Variants in POLR3B observed in about 807,000 individuals in gnomAD.
POLR3B encodes DNA-directed RNA polymerase III subunit RPC2.
POLR3B carries 96 observed loss-of-function variants against 147.4 expected under a neutral mutation model. The ratio of observed to expected loss-of-function variants is 0.65; its 90% confidence interval spans 0.55 to 0.77. The LOEUF (loss-of-function observed/expected upper bound fraction) is 0.77, where lower values mean the gene tolerates loss of function less well. POLR3B is among the 30% of genes least tolerant of loss of function. The pLI, the probability that POLR3B is intolerant of heterozygous loss-of-function variation, is 0.00. For missense variants in POLR3B, 1,036 were observed against 1,413.5 expected (o/e 0.73, Z 4.28); for synonymous variants, 461 against 485.9 (o/e 0.95, Z 0.67).
At chr12:106,500,448 C>T (rs565853722) in intron 25 of POLR3B, among the ~76,000 whole-genome samples, 1 of 152,062 alleles carries the variant, frequency 6.6e-6, no homozygotes, top group Non-Finnish European at 1.5e-5. Context: ...CTTATCCTTG[C>T]AGAGTTACTT....
intron 1 of POLR3B, among the ~76,000 whole-genome samples, chr12:106,358,382 C>T (rs1295700913): frequency 2.0e-5 from 3 of 152,214 alleles, no homozygotes; most frequent in Non-Finnish European, 4.4e-5. Flanking sequence ...CCAAGCTAGT[C>T]ATCTTTCCTT....
intron 24 of POLR3B, 188 bp downstream of exon 24, chr12:106,496,346 A>G: frequency 2.9e-6 from 2 of 688,962 alleles, no homozygotes; most frequent in South Asian, 1.5e-5. Flanking sequence ...TACATAAAGA[A>G]TGAGGAGCAC....
intron 11 of POLR3B, among the ~76,000 whole-genome samples, chr12:106,408,058 A>G (rs543695006): frequency 2.0e-5 from 3 of 152,320 alleles, no homozygotes; most frequent in East Asian, 1.9e-4. Flanking sequence ...CATACTTATT[A>G]GAAGGAATAC....
At chr12:106,436,202 G>A (rs1274456160) in intron 16 of POLR3B, among the ~76,000 whole-genome samples, 1 of 152,154 alleles carries the variant, frequency 6.6e-6, no homozygotes, top group African/African-American at 2.4e-5. Context: ...TAGTTATTTG[G>A]ACTTTAGGGT....
rs557349370 is a variant in POLR3B at position 106,433,439 on chromosome 12, G to A, written c.1628-280G>A. 3.3e-5 allele frequency among the ~76,000 whole-genome samples: 5 copies of A among 152,264 alleles called. No individual in the cohort carries two copies. In the South Asian group the frequency reaches 1.0e-3, roughly 32 times the overall value. On this transcript the variant is annotated intron_variant, in intron 15 of 27. Transcript: ENST00000228347. The stretch of plus-strand genomic sequence containing the variant: ...GTGATGGAGCCAGTGTTCAAACCCA[G>A]GTTGTTTGGACCCCAAGTTCATGCC...
intron 23 of POLR3B, among the ~76,000 whole-genome samples, chr12:106,485,912 A>G (rs1353668500): frequency 2.0e-5 from 3 of 152,118 alleles, no homozygotes; most frequent in Non-Finnish European, 1.5e-5. Context: ...CTTTTTGTGT[A>G]TTGATCATTT....
At chr12:106,379,487 G>T (rs913322546) in intron 8 of POLR3B, among the ~76,000 whole-genome samples, 1 of 152,190 alleles carries the variant, frequency 6.6e-6, no homozygotes, top group Non-Finnish European at 1.5e-5. Context: ...ATCTGTGTGT[G>T]TTACTAATGT....
At chr12:106,491,140 A>G (rs905566615) in intron 23 of POLR3B, among the ~76,000 whole-genome samples, 1 of 152,198 alleles carries the variant, frequency 6.6e-6, no homozygotes, top group Non-Finnish European at 1.5e-5. Context: ...ATTTAGATGC[A>G]GCCTTTCTCT....
At chr12:106,496,731 T>C (rs2038492087) in intron 24 of POLR3B, 21 bp from the exon 25 acceptor site, 1 of 1,613,004 alleles carries the variant, frequency 6.2e-7, no homozygotes, top group Non-Finnish European at 8.5e-7. Flanking sequence ...GGTGCTCACT[T>C]AATTTGTTCA....
chr12:106,399,297 A>G (rs1296208504), intron 10 of POLR3B, among the ~76,000 whole-genome samples: 1 of 152,232 alleles, frequency 6.6e-6, no homozygotes, highest in African/African-American at 2.4e-5. Context: ...AAAAGAAACG[A>G]ACAAAGCCTC....
At chr12:106,472,489 A>G (rs2038107350) in intron 23 of POLR3B, among the ~76,000 whole-genome samples, 2 of 149,538 alleles carry the variant, frequency 1.3e-5, no homozygotes, top group South Asian at 4.2e-4. Flanking sequence ...ACAGTGTAAA[A>G]GTGTTCCTAT....
At chr12:106,423,790 C>G (rs1349635738) in intron 12 of POLR3B, among the ~76,000 whole-genome samples, 5 of 152,082 alleles carry the variant, frequency 3.3e-5, no homozygotes, top group African/African-American at 1.2e-4. Flanking sequence ...GCTTTTCCAA[C>G]CTTCTGGGCA....
chr12:106,480,000 G>T (rs1443714006), intron 23 of POLR3B, among the ~76,000 whole-genome samples: 1 of 144,960 alleles, frequency 6.9e-6, no homozygotes, highest in Non-Finnish European at 1.5e-5. Context: ...TTGTTTTTGG[G>T]TTTTTTTTTT....
intron 27 of POLR3B, among the ~76,000 whole-genome samples, chr12:106,508,102 C>T (rs905742032): frequency 6.6e-6 from 1 of 152,188 alleles, no homozygotes; most frequent in African/African-American, 2.4e-5. Flanking sequence ...CTTTTTTCAC[C>T]TCACAGTTTG....
chr12:106,467,953 G>T (rs577262411), intron 23 of POLR3B, among the ~76,000 whole-genome samples: 1 of 152,322 alleles, frequency 6.6e-6, no homozygotes, highest in South Asian at 2.1e-4. Context: ...GTATCAGGAT[G>T]ATGCTGGCCT....
rs2038493227 is a variant in POLR3B at position 106,496,778 on chromosome 12, TGGCAA to T, written c.2848_2852del (p.Lys950ArgfsTer17). On this transcript the variant is annotated frameshift_variant, in exon 25 of 28. Transcript: ENST00000228347. LOFTEE classifies it high-confidence loss of function. ...TGGGGAAGCTCATTGAGCTGCTGGC[TGGCAA>T]GGCCGGTGTGCTGGACGGCAGATTC... 6.2e-7 allele frequency: 1 copy of T among 1,614,068 alleles called. No individual in the cohort carries two copies. Among genetic ancestry groups the T allele is most frequent in the Non-Finnish European group, 8.5e-7 (1 of 1,180,026 alleles).
Position 106,357,770 on chromosome 12 carries a change from G to T in POLR3B, c.-110G>T, listed in dbSNP as rs566540180. On this transcript the variant is annotated 5_prime_UTR_variant, in exon 1 of 28. Coordinates refer to ENST00000228347, the MANE Select transcript of POLR3B (RefSeq NM_018082.6). ...CGCGTCTCTAGCTAACACGCACGGC[G>T]GGGACAGTTTAGGCCTCCGCGCACC... 2.8e-6 allele frequency: 3 copies of T among 1,074,410 alleles called. No individual in the cohort carries two copies. Among genetic ancestry groups the T allele is most frequent in the Non-Finnish European group, 4.2e-6 (3 of 715,178 alleles). The allele number at this position is 1,074,410 out of a possible 1,614,324, so 66.6% of individuals were successfully genotyped here. A position where few individuals can be genotyped will look rare whatever the true frequency, so the allele number is the denominator to read the frequency against.
chr12:106,456,743 C>T (rs953357233), intron 20 of POLR3B, among the ~76,000 whole-genome samples: 2 of 152,122 alleles, frequency 1.3e-5, no homozygotes, highest in African/African-American at 2.4e-5. Flanking sequence ...AGACCTCACT[C>T]CTAGTGCCTG....
At chr12:106,387,313 T>TACTTAACC (rs1244614127) in intron 9 of POLR3B, among the ~76,000 whole-genome samples, 1 of 152,214 alleles carries the variant, frequency 6.6e-6, no homozygotes, top group African/African-American at 2.4e-5. Context: ...TGGTGGAATT[T>TACTTAACC]ACTTAACCAC....
Sources: allele counts gnomAD v4.1 joint callset (sites outside exome capture counted in the v4.1 genomes callset), GRCh38; gene constraint gnomAD v4.1.1; transcripts MANE v1.5; gene names NCBI Gene and HGNC (gene_info 2026-07-23, HGNC 2026-07-21).